The following TCEA3 variants were observed in gnomAD, a reference collection of about 807,000 sequenced individuals.
TCEA3 encodes the protein transcription elongation factor A3.
A neutral mutation model predicts 44.0 loss-of-function variants in TCEA3; 36 were observed. The ratio of observed to expected loss-of-function variants is 0.82; its 90% confidence interval spans 0.63 to 1.08. The LOEUF is 1.08. Ranked by LOEUF, TCEA3 falls within the 50% of genes least tolerant of loss-of-function variation. The pLI is 0.00. For synonymous variants in TCEA3, 162 were observed against 159.7 expected (o/e 1.01, Z -0.11); for missense variants, 392 against 441.2 (o/e 0.89, Z 1.00).
At chr1:23,402,896 A>G (rs1639440850) in intron 5 of TCEA3, among the ~76,000 whole-genome samples, 1 of 152,172 alleles carries the variant, frequency 6.6e-6, no homozygotes, top group Admixed American at 6.5e-5. Flanking sequence ...GACCACAGAG[A>G]GATGAAAGGC....
intron 4 of TCEA3, among the ~76,000 whole-genome samples, chr1:23,414,692 C>A (rs1290035274): frequency 2.0e-5 from 3 of 152,230 alleles, no homozygotes; most frequent in African/African-American, 7.2e-5. Flanking sequence ...TGAGACACTG[C>A]ACCCGGCCTA....
chr1:23,401,047 A>C (rs1639382368), intron 5 of TCEA3, among the ~76,000 whole-genome samples: 1 of 152,178 alleles, frequency 6.6e-6, no homozygotes, highest in East Asian at 1.9e-4. Context: ...CAGGCTTCTC[A>C]GGATCAACAA....
At chr1:23,424,449 C>T (rs1360565824) in intron 1 of TCEA3, 116 bp downstream of exon 1, 1 of 892,390 alleles carries the variant, frequency 1.1e-6, no homozygotes. Context: ...TCCCTCGGGT[C>T]CCCGAGTCCC....
At chr1:23,418,955 C>T in intron 2 of TCEA3, 122 bp downstream of exon 2, 1 of 841,572 alleles carries the variant, frequency 1.2e-6, no homozygotes, top group Non-Finnish European at 1.7e-6. Context: ...CTCAAGATCC[C>T]CTCCCCACAG....
Position 23,397,916 on chromosome 1 carries a change from T to C in TCEA3, c.483A>G (p.Thr161=). ...SSKSKAESPK[T]PSSPLTPTFA... is the part of the protein sequence containing the mutation. ...ACGTGGGGGTCAAGGGGCTGCTAGGTGTTTTGGGGCTCTCCGCTTTTGATT... is the reference window on the plus strand; with the variant it reads ...ACGTGGGGGTCAAGGGGCTGCTAGGCGTTTTGGGGCTCTCCGCTTTTGATT... Residue 161 remains threonine, a synonymous_variant, in exon 6 of 11, where the codon ACA becomes ACG. Transcript: ENST00000450454. The C allele has an allele frequency of 6.2e-7, 1 of 1,613,602 alleles. No homozygotes were observed. Among genetic ancestry groups the C allele is most frequent in the South Asian group, 1.1e-5 (1 of 91,040 alleles).
intron 10 of TCEA3, among the ~76,000 whole-genome samples, chr1:23,382,504 G>A (rs1364709382): frequency 6.6e-6 from 1 of 152,188 alleles, no homozygotes; most frequent in African/African-American, 2.4e-5. Context: ...TGTATAATTT[G>A]TTGACTGCAC....
intron 5 of TCEA3, among the ~76,000 whole-genome samples, chr1:23,401,852 C>T (rs1639405095): frequency 1.3e-5 from 2 of 152,078 alleles, no homozygotes; most frequent in South Asian, 2.1e-4. Context: ...TTGTGAACTG[C>T]GCATGTGAGG....
intron 5 of TCEA3, among the ~76,000 whole-genome samples, chr1:23,400,953 T>G (rs1410038701): frequency 2.0e-5 from 3 of 152,156 alleles, no homozygotes; most frequent in Non-Finnish European, 4.4e-5. Context: ...CTACTTCCTT[T>G]CAGGAAGAAG....
chr1:23,388,485 T>C (rs1415197273), intron 8 of TCEA3, among the ~76,000 whole-genome samples: 1 of 152,178 alleles, frequency 6.6e-6, no homozygotes, highest in Non-Finnish European at 1.5e-5. Flanking sequence ...TATGAACCAC[T>C]ATGCCTGGCT....
At chr1:23,423,854 C>T (rs1237236915) in intron 1 of TCEA3, 1 of 456,048 alleles carries the variant, frequency 2.2e-6, no homozygotes, top group South Asian at 1.5e-5. Flanking sequence ...AGCCCTGCTC[C>T]CAACCTCCCG....
intron 8 of TCEA3, 48 bp from the exon 9 acceptor site, chr1:23,387,467 C>T (rs915090120): frequency 6.5e-7 from 1 of 1,530,172 alleles, no homozygotes; most frequent in Middle Eastern, 1.7e-4. Context: ...TTTCAGGGGC[C>T]CTGCCCTACA....
At position 23,381,205 on chromosome 1, in the gene TCEA3, G is replaced by A. The variant is rs1266777215; in HGVS notation, c.*261C>T. ...TTGCAGATTACAGCCATAAACCACCGTGCCCAGCCCTCTGCAGTTTCTAAA... is the reference window on the plus strand; with the variant it reads ...TTGCAGATTACAGCCATAAACCACCATGCCCAGCCCTCTGCAGTTTCTAAA... On this transcript the variant is annotated 3_prime_UTR_variant, in exon 11 of 11. Transcript: ENST00000450454. 5.5e-5 allele frequency: 27 copies of A among 488,020 alleles called. No homozygotes were observed. Among genetic ancestry groups the A allele is most frequent in the South Asian group, 4.1e-4 (15 of 36,488 alleles). 30.2% of individuals were successfully genotyped at this position (488,020 alleles called of 1,614,324 possible).
Position 23,408,688 on chromosome 1 carries a change from G to A in TCEA3, c.419C>T (p.Ser140Phe). Reference sequence around the variant, plus strand: ...CCTTTCCACCGATGGTCTTTTTGGAGAGGAGGAGGCAGAAGACTTGGAGTC... The same window carrying A: ...CCTTTCCACCGATGGTCTTTTTGGAAAGGAGGAGGCAGAAGACTTGGAGTC... Reference protein sequence around the residue: ...SVDSKSSASSSPKRPSVERSN... With the variant: ...SVDSKSSASSFPKRPSVERSN... The change falls in exon 5 of 11, where the codon TCT (serine) becomes TTT (phenylalanine). Residue 140 changes from serine to phenylalanine, a missense_variant. Physicochemically the swap from Ser to Phe is radical, Grantham distance 155. Coordinates refer to ENST00000450454, the MANE Select transcript of TCEA3 (RefSeq NM_003196.3). 6.2e-7 allele frequency: 1 copy of A among 1,611,878 alleles called. No individual in the cohort carries two copies. The highest frequency in any genetic ancestry group is 8.5e-7 in the Non-Finnish European group (1 of 1,179,114).
intron 5 of TCEA3, among the ~76,000 whole-genome samples, chr1:23,404,693 T>C (rs1639493886): frequency 6.6e-6 from 1 of 152,130 alleles, no homozygotes; most frequent in South Asian, 2.1e-4. Context: ...GCGCGGTGGC[T>C]CACACCTGTA....
intron 2 of TCEA3, 192 bp from the exon 3 acceptor site, chr1:23,418,201 G>C (rs1639950221): frequency 5.1e-6 from 3 of 586,384 alleles, no homozygotes; most frequent in Admixed American, 3.0e-5. Context: ...ACGAGGCCGA[G>C]GGCCCAGGGC....
At chr1:23,382,216 T>C (rs1202235720) in intron 10 of TCEA3, among the ~76,000 whole-genome samples, 2 of 152,024 alleles carry the variant, frequency 1.3e-5, no homozygotes, top group African/African-American at 4.8e-5. Context: ...CTGGCTAATT[T>C]TGTATTTTTA....
chr1:23,386,863 G>C (rs1188673560), intron 9 of TCEA3, among the ~76,000 whole-genome samples: 1 of 152,198 alleles, frequency 6.6e-6, no homozygotes, highest in Non-Finnish European at 1.5e-5. Flanking sequence ...TGGGACTACA[G>C]GTGCCCGCCA....
chr1:23,400,374 T>A (rs1053339122), intron 5 of TCEA3, among the ~76,000 whole-genome samples: 2 of 7,346 alleles, frequency 2.7e-4, no homozygotes, highest in African/African-American at 3.5e-4. Context: ...CACACCAGGC[T>A]TTTTTTTTTT....
chr1:23,411,526 C>T (rs892990354), intron 4 of TCEA3: 2 of 227,080 alleles, frequency 8.8e-6, no homozygotes, highest in Admixed American at 4.2e-5. Flanking sequence ...TAATGGGAGG[C>T]GACAAGCAAC....
Sources: gnomAD v4.1 joint callset for allele counts (sites outside exome capture counted in the v4.1 genomes callset) on GRCh38, gnomAD v4.1.1 for gene constraint, MANE v1.5 for transcripts, NCBI Gene and HGNC (gene_info 2026-07-23, HGNC 2026-07-21) for gene names.